Variants in MAPK4 observed in about 807,000 individuals in gnomAD.
MAPK4 encodes the protein Erk3-related.
In MAPK4, 22 loss-of-function variants were observed where a neutral mutation model predicts 47.7. The ratio of observed to expected loss-of-function variants is 0.46; its 90% confidence interval spans 0.33 to 0.66. The LOEUF (loss-of-function observed/expected upper bound fraction) is 0.66. Ranked by LOEUF, MAPK4 falls within the 30% of genes least tolerant of loss-of-function variation. The probability of loss-of-function intolerance (pLI) is 0.02; values close to 1 mark genes in which losing one functional copy is unlikely to be tolerated. For synonymous variants in MAPK4, 390 were observed against 365.7 expected, an observed-to-expected ratio of 1.07 and a Z score of -0.76; for missense variants, 736 against 831.7, an observed-to-expected ratio of 0.88 and a Z score of 1.42.
intron 1 of MAPK4, among the ~76,000 whole-genome samples, chr18:50,565,423 CT>C: frequency 6.6e-6 from 1 of 152,256 alleles, no homozygotes; most frequent in African/African-American, 2.4e-5. Context: ...GAATGAAACT[CT>C]TTTTCAGGTC....
chr18:50,728,115 G>A (rs530577132), intron 5 of MAPK4, among the ~76,000 whole-genome samples: 2 of 152,324 alleles, frequency 1.3e-5, no homozygotes, highest in East Asian at 1.9e-4. Flanking sequence ...ATCCCACACA[G>A]CCGAATCTGC....
intron 2 of MAPK4, among the ~76,000 whole-genome samples, chr18:50,665,098 A>C (rs555081493): frequency 6.6e-6 from 1 of 152,264 alleles, no homozygotes; most frequent in Admixed American, 6.5e-5. Context: ...TCTCAGTGTG[A>C]TGTGAAAGCC....
chr18:50,577,249 T>C (rs1192622593), intron 1 of MAPK4, among the ~76,000 whole-genome samples: 1 of 152,130 alleles, frequency 6.6e-6, no homozygotes, highest in African/African-American at 2.4e-5. Flanking sequence ...GGAGAGTGTG[T>C]GTGCCTGTTT....
chr18:50,591,302 A>G (rs1410418563), intron 1 of MAPK4, among the ~76,000 whole-genome samples: 3 of 152,150 alleles, frequency 2.0e-5, no homozygotes, highest in African/African-American at 7.2e-5. Flanking sequence ...CTTAAGATCC[A>G]CAACTAATTA....
chr18:50,643,173 C>T (rs543687172), intron 1 of MAPK4, among the ~76,000 whole-genome samples: 5 of 152,272 alleles, frequency 3.3e-5, no homozygotes, highest in African/African-American at 1.2e-4. Flanking sequence ...GATTGATTCT[C>T]GAAGTTGAAA....
chr18:50,668,907 A>G (rs1907766993), intron 2 of MAPK4, among the ~76,000 whole-genome samples: 2 of 152,214 alleles, frequency 1.3e-5, no homozygotes, highest in African/African-American at 4.8e-5. Flanking sequence ...TTTCTGCCAA[A>G]TCGGGAGAGT....
chr18:50,692,208 C>G (rs1222683259), intron 2 of MAPK4, among the ~76,000 whole-genome samples: 1 of 152,244 alleles, frequency 6.6e-6, no homozygotes, highest in African/African-American at 2.4e-5. Context: ...AGAAGCCACA[C>G]TGCCTCACTG....
At chr18:50,582,700 T>C (rs777643108) in intron 1 of MAPK4, among the ~76,000 whole-genome samples, 1 of 152,216 alleles carries the variant, frequency 6.6e-6, no homozygotes, top group Non-Finnish European at 1.5e-5. Flanking sequence ...AGACTGTGCT[T>C]GGCTTGTGCC....
In MAPK4 at chr18:50,729,326, G is replaced by T. The variant is rs760938552; in HGVS notation, c.1236G>T (p.Ser412=). 3.0e-5 allele frequency: 48 copies of T among 1,597,360 alleles called. No homozygotes were observed. The highest frequency in any genetic ancestry group is 1.7e-4 in the Middle Eastern group (1 of 6,046). The change falls in exon 6 of 6, where the codon TCG becomes TCT. Residue 412 remains serine (S), a synonymous_variant. Transcript: ENST00000400384. ...HSSSERFLEQ[S]HSSMERAFEA... ...GCTCCGAGCGCTTCCTAGAGCAGTCGCACTCGTCCATGGAGCGCGCCTTCG... is the reference window on the plus strand; with the variant it reads ...GCTCCGAGCGCTTCCTAGAGCAGTCTCACTCGTCCATGGAGCGCGCCTTCG...
chr18:50,603,598 G>A (rs928929006), intron 1 of MAPK4, among the ~76,000 whole-genome samples: 4 of 152,128 alleles, frequency 2.6e-5, no homozygotes, highest in African/African-American at 9.7e-5. Flanking sequence ...CTGCCTCTGA[G>A]TCCACAGCTG....
chr18:50,615,784 C>T (rs1049524499), intron 1 of MAPK4, among the ~76,000 whole-genome samples: 12 of 152,174 alleles, frequency 7.9e-5, no homozygotes, highest in African/African-American at 2.9e-4. Context: ...TCTGCTTTTT[C>T]AGAACAACAG....
chr18:50,721,988 A>G lies in MAPK4; in HGVS notation c.742A>G (p.Ile248Val). ...MQLILETIPVIREEDKDELLR... is the reference protein window; with the variant it reads ...MQLILETIPVVREEDKDELLR... ...ACTCATCCTGGAGACCATCCCTGTAATCCGGGAGGAAGACAAGGACGAGCT... is the reference window on the plus strand; with the variant it reads ...ACTCATCCTGGAGACCATCCCTGTAGTCCGGGAGGAAGACAAGGACGAGCT... Residue 248 changes from isoleucine (I) to valine (V), a missense_variant, in exon 4 of 6, where the codon ATC becomes GTC. By Grantham distance (29) the Ile-to-Val change is conservative (BLOSUM62 3). Coordinates refer to ENST00000400384, the MANE Select transcript of MAPK4 (RefSeq NM_002747.4). The G allele has an allele frequency of 1.2e-6, 2 of 1,614,076 alleles. No homozygotes were observed. The highest frequency in any genetic ancestry group is 2.7e-5 in the African/African-American group (2 of 75,042).
At chr18:50,672,794 G>A (rs184319524) in intron 2 of MAPK4, among the ~76,000 whole-genome samples, 2 of 152,322 alleles carry the variant, frequency 1.3e-5, no homozygotes, top group Admixed American at 1.3e-4. Context: ...ATCAAGGGGA[G>A]GAGCAAGGGA....
intron 4 of MAPK4, among the ~76,000 whole-genome samples, chr18:50,723,029 G>A (rs1200117549): frequency 6.6e-6 from 1 of 152,164 alleles, no homozygotes; most frequent in Non-Finnish European, 1.5e-5. Flanking sequence ...GTTTCTGAGG[G>A]GCGGTGGCTT....
At chr18:50,605,414 A>G (rs2042574083) in intron 1 of MAPK4, among the ~76,000 whole-genome samples, 1 of 152,162 alleles carries the variant, frequency 6.6e-6, no homozygotes, top group Non-Finnish European at 1.5e-5. Flanking sequence ...AGGGATCTTG[A>G]GGAAACATGG....
intron 1 of MAPK4, among the ~76,000 whole-genome samples, chr18:50,657,409 A>G (rs1365054858): frequency 1.3e-5 from 2 of 152,298 alleles, no homozygotes; most frequent in East Asian, 3.9e-4. Context: ...ACTTCCAGCA[A>G]TAGTATATGG....
intron 1 of MAPK4, among the ~76,000 whole-genome samples, chr18:50,637,977 A>ATGCATCTGAGTTACTAG (rs562669680): frequency 3.7e-4 from 56 of 152,346 alleles, no homozygotes; most frequent in African/African-American, 1.1e-3. Flanking sequence ...TTAGGGCTTC[A>ATGCATCTGAGTTACTAG]GCGTATGAAT....
At chr18:50,662,919 C>T (rs1398321905) in intron 1 of MAPK4, among the ~76,000 whole-genome samples, 170 bp from the exon 2 acceptor site, 16 of 152,232 alleles carry the variant, frequency 1.1e-4, no homozygotes, top group Non-Finnish European at 1.5e-5. Context: ...GAGTGCTACG[C>T]ACAGCAGGAG....
chr18:50,581,728 A>T (rs989200964), intron 1 of MAPK4, among the ~76,000 whole-genome samples: 1 of 152,194 alleles, frequency 6.6e-6, no homozygotes, highest in African/African-American at 2.4e-5. Context: ...GGGGAACTCC[A>T]TGCACCTGTG....
Sources: gnomAD v4.1 joint callset for allele counts (sites outside exome capture counted in the v4.1 genomes callset) on GRCh38, gnomAD v4.1.1 for gene constraint, MANE v1.5 for transcripts, NCBI Gene and HGNC (gene_info 2026-07-23, HGNC 2026-07-21) for gene names.